RNF220: variants seen among roughly 807,000 people sequenced by gnomAD.
RNF220 encodes the protein ring finger protein 220, also known as E3 ubiquitin-protein ligase RNF220.
In RNF220, 7 loss-of-function variants were observed where a neutral mutation model predicts 67.1. That is an observed-to-expected ratio of 0.10 (90% CI 0.06 to 0.20). The LOEUF (loss-of-function observed/expected upper bound fraction) is 0.20, where lower values mean the gene tolerates loss of function less well. RNF220 is among the 10% of genes least tolerant of loss of function. RNF220 has a pLI of 1.00. For missense variants in RNF220, 565 were observed against 740.3 expected (o/e 0.76, Z 2.75); for synonymous variants, 270 against 283.2 (o/e 0.95, Z 0.47).
In RNF220 at chr1:44,552,111, T is replaced by C. The variant is rs113939226; in HGVS notation, c.626-62054T>C. On this transcript the variant is annotated intron_variant, in intron 2 of 14. Transcript: ENST00000361799. ...ACTTGGTTGGGTCCTATAAGCCTCA[T>C]CTAAGACTATTTCAAAAAGGCTCCG... 6.9e-3 allele frequency among the ~76,000 whole-genome samples: 1,055 copies of C among 152,330 alleles called. 9 individuals are homozygous for C. The highest frequency in any genetic ancestry group is 0.024 in the African/African-American group (1,005 of 41,564).
In RNF220 at chr1:44,522,920, C is replaced by T. The variant is rs575289618; in HGVS notation, c.626-91245C>T. ...AAGCACTCACAAAGCCAAAACAAAG[C>T]GTGCTACCCACACTGGCCTTGGAGC... On this transcript the variant is annotated intron_variant, in intron 2 of 14. Transcript: ENST00000361799. Among the ~76,000 whole-genome samples the T allele has an allele frequency of 2.7e-4, 41 of 152,298 alleles. No individual in the cohort carries two copies. The South Asian group carries it at 8.5e-3, about 32-fold the overall frequency.
At chr1:44,478,060 C>G (rs1224024075) in intron 2 of RNF220, among the ~76,000 whole-genome samples, 2 of 152,150 alleles carry the variant, frequency 1.3e-5, no homozygotes, top group Non-Finnish European at 2.9e-5. Context: ...CTCACTGCAG[C>G]CTCTGCCTCC....
At chr1:44,451,471 CTT>C (rs1652678388) in intron 2 of RNF220, among the ~76,000 whole-genome samples, 2 of 151,852 alleles carry the variant, frequency 1.3e-5, no homozygotes, top group South Asian at 4.1e-4. Flanking sequence ...TTGTCTTATT[CTT>C]TTTAGTTTGA....
intron 8 of RNF220, 148 bp downstream of exon 8, chr1:44,636,310 G>T: frequency 1.0e-6 from 1 of 997,930 alleles, no homozygotes; most frequent in Non-Finnish European, 1.6e-6. Context: ...GCTCCTTTGT[G>T]ACCGTGCTGC....
At chr1:44,484,330 T>G (rs1656091749) in intron 2 of RNF220, among the ~76,000 whole-genome samples, 1 of 152,028 alleles carries the variant, frequency 6.6e-6, no homozygotes, top group Admixed American at 6.6e-5. Context: ...CCACCTACGA[T>G]CCAGTGAGTG....
chr1:44,636,310 G>A, intron 8 of RNF220, 148 bp downstream of exon 8: 2 of 997,930 alleles, frequency 2.0e-6, no homozygotes, highest in Middle Eastern at 2.1e-4. Flanking sequence ...GCTCCTTTGT[G>A]ACCGTGCTGC....
chr1:44,556,473 C>T (rs58875175), intron 2 of RNF220, among the ~76,000 whole-genome samples: 6,146 of 150,668 alleles, frequency 0.041, 485 homozygotes, highest in East Asian at 0.18. Context: ...CTCTGGTAAA[C>T]CTGCCCTCTT....
Position 44,649,662 on chromosome 1 carries a change from A to G in RNF220, c.1447A>G (p.Ile483Val). The change falls in exon 13 of 15, where the codon ATC becomes GTC. Residue 483 changes from isoleucine (I) to valine (V), a missense_variant and splice_region_variant. Transcript: ENST00000361799. The surrounding 1 kb of genome is among the most constrained non-coding windows in gnomAD (Gnocchi z 5.9). Reference protein sequence around the residue: ...KTCKNSDIEKITEDSAVTTFE... With the variant: ...KTCKNSDIEKVTEDSAVTTFE... ...CCAACCATGCCTTCCTTTTTACAGA[A>G]TCACCGAAGATTCAGCTGTGACCAC... 2 of 1,613,958 alleles carry G rather than the reference A, an allele frequency of 1.2e-6. No individual in the cohort carries two copies. The highest frequency in any genetic ancestry group is 1.7e-6 in the Non-Finnish European group (2 of 1,179,898).
chr1:44,442,966 C>A (rs1651717319), intron 2 of RNF220, among the ~76,000 whole-genome samples: 1 of 152,214 alleles, frequency 6.6e-6, no homozygotes, highest in Admixed American at 6.5e-5. Context: ...TACCCAAGGG[C>A]CCTCTTACTC....
chr1:44,616,822 C>G (rs994438775), intron 3 of RNF220, among the ~76,000 whole-genome samples: 1 of 152,098 alleles, frequency 6.6e-6, no homozygotes, highest in Admixed American at 6.5e-5. Flanking sequence ...AGAATGCGGG[C>G]CCCCAGCTCT....
intron 3 of RNF220, among the ~76,000 whole-genome samples, chr1:44,615,832 C>T (rs1035131532): frequency 1.3e-5 from 2 of 152,216 alleles, no homozygotes; most frequent in Non-Finnish European, 2.9e-5. Context: ...GCAGCTAAAA[C>T]AACATACATG....
At chr1:44,517,796 G>A (rs1659571926) in intron 2 of RNF220, among the ~76,000 whole-genome samples, 1 of 152,230 alleles carries the variant, frequency 6.6e-6, no homozygotes. Flanking sequence ...TCAGGATAAA[G>A]AAGAGCTTGG....
chr1:44,482,510 T>C (rs1333280580), intron 2 of RNF220, among the ~76,000 whole-genome samples: 1 of 152,244 alleles, frequency 6.6e-6, no homozygotes, highest in African/African-American at 2.4e-5. Flanking sequence ...GAGCTAGAAA[T>C]CTTTCTGTAG....
chr1:44,445,733 T>C (rs554336796), intron 2 of RNF220, among the ~76,000 whole-genome samples: 64 of 152,254 alleles, frequency 4.2e-4, no homozygotes, highest in African/African-American at 1.5e-3. Flanking sequence ...TCCCTCCATC[T>C]TGTATTCTAC....
chr1:44,411,004 T>C (rs1016671631), intron 1 of RNF220, among the ~76,000 whole-genome samples: 1 of 152,244 alleles, frequency 6.6e-6, no homozygotes, highest in African/African-American at 2.4e-5. Context: ...GGGGCCTTTA[T>C]TGGACATCAG....
chr1:44,534,990 G>A (rs190658222), intron 2 of RNF220, among the ~76,000 whole-genome samples: 24 of 152,242 alleles, frequency 1.6e-4, no homozygotes, highest in African/African-American at 4.3e-4. Flanking sequence ...GTCCAGACTC[G>A]TTGTGACCAG....
chr1:44,468,985 CAT>C (rs1163101388), intron 2 of RNF220, among the ~76,000 whole-genome samples: 2 of 151,806 alleles, frequency 1.3e-5, no homozygotes, highest in Admixed American at 1.3e-4. Flanking sequence ...AACTGGAAAA[CAT>C]ATTACAACAT....
In RNF220 at chr1:44,622,881, C is replaced by T; in HGVS notation, c.804+94C>T. 1.0e-6 allele frequency: 1 copy of T among 1,000,118 alleles called. No individual in the cohort carries two copies. The highest frequency in any genetic ancestry group is 1.6e-6 in the Non-Finnish European group (1 of 631,780). 62.0% of individuals were successfully genotyped at this position (1,000,118 alleles called of 1,614,324 possible). On this transcript the variant is annotated intron_variant, in intron 4 of 14. Transcript: ENST00000361799. This position sits in a 1 kb window ranked among gnomAD's most constrained non-coding sequence, Gnocchi z 4.3. ...TGAGAAAAAGGAGCTTTTCTAGTAT[C>T]CTCAACTATCTCCAGCTTTTCTAAT...
intron 2 of RNF220, among the ~76,000 whole-genome samples, chr1:44,566,063 G>C (rs1663982877): frequency 6.6e-6 from 1 of 152,190 alleles, no homozygotes; most frequent in Non-Finnish European, 1.5e-5. Flanking sequence ...TGGACTGATA[G>C]GAGCTATTTC....
Sources: allele counts gnomAD v4.1 joint callset (sites outside exome capture counted in the v4.1 genomes callset), GRCh38; gene constraint gnomAD v4.1.1; non-coding constraint Gnocchi (gnomAD v3.1); transcripts MANE v1.5; gene names NCBI Gene and HGNC (gene_info 2026-07-23, HGNC 2026-07-21).